MNAT1: variants seen among roughly 807,000 people sequenced by gnomAD.
MNAT1 encodes CDK-activating kinase assembly factor MAT1.
Under a neutral mutation model 42.0 loss-of-function variants are expected in MNAT1, and 43 were observed. The observed-to-expected ratio is 1.02, with a 90% confidence interval of 0.80 to 1.32. The LOEUF (loss-of-function observed/expected upper bound fraction) is 1.32. MNAT1 is among the 40% of genes most tolerant of loss of function. The pLI, the probability that MNAT1 is intolerant of heterozygous loss-of-function variation, is 0.00. For synonymous variants in MNAT1, 118 were observed against 120.0 expected, an observed-to-expected ratio of 0.98 and a Z score of 0.11; for missense variants, 306 against 350.4, an observed-to-expected ratio of 0.87 and a Z score of 1.01.
intron 7 of MNAT1, among the ~76,000 whole-genome samples, chr14:60,887,567 C>T (rs1055056862): frequency 3.3e-5 from 5 of 151,776 alleles, no homozygotes; most frequent in African/African-American, 1.2e-4. Context: ...ATGAACTCAT[C>T]ATTTTTCATG....
chr14:60,821,100 T>G (rs980399486), intron 6 of MNAT1, among the ~76,000 whole-genome samples: 1 of 152,174 alleles, frequency 6.6e-6, no homozygotes, highest in Non-Finnish European at 1.5e-5. Flanking sequence ...GTTTGACTAT[T>G]CTATCTAAAG....
At chr14:60,830,817 A>C (rs2139382828) in intron 6 of MNAT1, among the ~76,000 whole-genome samples, 1 of 149,538 alleles carries the variant, frequency 6.7e-6, no homozygotes, top group African/African-American at 2.5e-5. Flanking sequence ...TTTTTAAATC[A>C]CAGATTGTTT....
intron 7 of MNAT1, among the ~76,000 whole-genome samples, chr14:60,958,057 G>A (rs996050020): frequency 5.9e-5 from 9 of 152,150 alleles, no homozygotes; most frequent in East Asian, 1.9e-4. Context: ...GGCTGGTCTC[G>A]AACTTCCGAC....
intron 7 of MNAT1, among the ~76,000 whole-genome samples, chr14:60,904,591 T>C (rs1439619125): frequency 6.6e-6 from 1 of 152,184 alleles, no homozygotes; most frequent in East Asian, 1.9e-4. Context: ...GGCTGTTTAG[T>C]CTAGAGTGAA....
At chr14:60,768,500 C>G (rs1169303403) in intron 1 of MNAT1, among the ~76,000 whole-genome samples, 1 of 152,198 alleles carries the variant, frequency 6.6e-6, no homozygotes, top group African/African-American at 2.4e-5. Context: ...CAGGATTTTT[C>G]TAACCTTTCT....
chr14:60,889,712 A>G lies in MNAT1; in HGVS notation c.809+9877A>G, dbSNP rs1287040559. Among the ~76,000 whole-genome samples, 23 of 152,284 alleles carry G rather than the reference A, an allele frequency of 1.5e-4. No individual in the cohort carries two copies. The South Asian group carries it at 3.1e-3, about 21-fold the overall frequency. ...TTCACAACCTACTCATCTGGCAAAGAGCTAATATCCAGAATCTACAATGAA... is the reference window on the plus strand; with the variant it reads ...TTCACAACCTACTCATCTGGCAAAGGGCTAATATCCAGAATCTACAATGAA... On this transcript the variant is annotated intron_variant, in intron 7 of 7. Transcript: ENST00000261245.
At chr14:60,899,388 A>G (rs936040093) in intron 7 of MNAT1, among the ~76,000 whole-genome samples, 1 of 152,150 alleles carries the variant, frequency 6.6e-6, no homozygotes, top group African/African-American at 2.4e-5. Flanking sequence ...AGTTATGATG[A>G]TATTGAATTA....
chr14:60,949,046 T>A (rs1195484645), intron 7 of MNAT1, among the ~76,000 whole-genome samples: 2 of 152,206 alleles, frequency 1.3e-5, no homozygotes, highest in African/African-American at 4.8e-5. Context: ...TTTTTAATAA[T>A]CACATGTAGA....
In MNAT1 at chr14:60,968,945, C is replaced by A; in HGVS notation, c.*596C>A. On this transcript the variant is annotated 3_prime_UTR_variant, in exon 8 of 8. Coordinates refer to ENST00000261245, the MANE Select transcript of MNAT1 (RefSeq NM_002431.4). ...CTGTTTTAAGCAGTGGAAAATGAGGCAAACCTTGATCAAGGTGTTATAGTT... is the reference window on the plus strand; with the variant it reads ...CTGTTTTAAGCAGTGGAAAATGAGGAAAACCTTGATCAAGGTGTTATAGTT... The A allele has an allele frequency of 6.2e-6, 1 of 161,534 alleles. No individual in the cohort carries two copies. Among genetic ancestry groups the A allele is most frequent in the South Asian group, 1.8e-4 (1 of 5,540 alleles). The allele number at this position is 161,534 out of a possible 1,614,324, so 10.0% of individuals were successfully genotyped here.
chr14:60,802,280 A>G (rs2032228330), intron 3 of MNAT1, among the ~76,000 whole-genome samples: 1 of 152,198 alleles, frequency 6.6e-6, no homozygotes, highest in Non-Finnish European at 1.5e-5. Context: ...TGGTGACCAT[A>G]ATTAATAATA....
At chr14:60,830,615 C>T (rs1304894468) in intron 6 of MNAT1, among the ~76,000 whole-genome samples, 5 of 152,100 alleles carry the variant, frequency 3.3e-5, no homozygotes, top group Admixed American at 2.0e-4. Context: ...TTCAGCTAAG[C>T]AGACTTAGTT....
intron 1 of MNAT1, among the ~76,000 whole-genome samples, chr14:60,757,172 T>TAAGAAGCTAAA (rs1247527097): frequency 5.9e-5 from 9 of 152,170 alleles, no homozygotes; most frequent in Admixed American, 1.3e-4. Flanking sequence ...TGTTTAAAAC[T>TAAGAAGCTAAA]AACGGTGTAT....
intron 7 of MNAT1, among the ~76,000 whole-genome samples, chr14:60,899,885 A>G (rs568078687): frequency 1.3e-5 from 2 of 152,242 alleles, no homozygotes; most frequent in African/African-American, 2.4e-5. Context: ...TTCTTACACT[A>G]TTTCAGACTT....
chr14:60,862,566 C>G (rs754421505), intron 6 of MNAT1, among the ~76,000 whole-genome samples: 31 of 152,276 alleles, frequency 2.0e-4, no homozygotes, highest in Non-Finnish European at 3.1e-4. Context: ...AAGTGCACAA[C>G]TGCTTTTGTA....
At chr14:60,781,146 C>T (rs1019329971) in intron 1 of MNAT1, among the ~76,000 whole-genome samples, 1 of 152,094 alleles carries the variant, frequency 6.6e-6, no homozygotes, top group Non-Finnish European at 1.5e-5. Context: ...ATTTATGTAA[C>T]TTGAACCTGT....
intron 1 of MNAT1, among the ~76,000 whole-genome samples, chr14:60,763,235 T>A (rs2030683390): frequency 6.6e-6 from 1 of 152,200 alleles, no homozygotes. Context: ...CATTTATCTT[T>A]AATTAATTTA....
At position 60,914,269 on chromosome 14, in the gene MNAT1, T is replaced by C. The variant is rs148916735; in HGVS notation, c.809+34434T>C. Among the ~76,000 whole-genome samples the C allele has an allele frequency of 5.1e-3, 779 of 152,302 alleles. 7 individuals carry two copies. Among genetic ancestry groups the C allele is most frequent in the African/African-American group, 0.017 (716 of 41,580 alleles). ...AAGGGAATTCCCTGACCCCTTGCGC[T>C]TCCCGGGTGAGGCGATGCCTTGCCC... On this transcript the variant is annotated intron_variant, in intron 7 of 7. Transcript: ENST00000261245.
chr14:60,958,823 TAG>T (rs1266329269), intron 7 of MNAT1, among the ~76,000 whole-genome samples: 2 of 151,972 alleles, frequency 1.3e-5, no homozygotes, highest in Admixed American at 1.3e-4. Context: ...GTATTTTTGG[TAG>T]AGACGGAGTT....
At chr14:60,940,895 A>G (rs1308111501) in intron 7 of MNAT1, among the ~76,000 whole-genome samples, 1 of 151,636 alleles carries the variant, frequency 6.6e-6, no homozygotes, top group Non-Finnish European at 1.5e-5. Flanking sequence ...CTCAATTTAA[A>G]AAAAAAGTTA....
Sources: gnomAD v4.1 joint callset for allele counts (sites outside exome capture counted in the v4.1 genomes callset) on GRCh38, gnomAD v4.1.1 for gene constraint, MANE v1.5 for transcripts, NCBI Gene and HGNC (gene_info 2026-07-23, HGNC 2026-07-21) for gene names.